Variants in CTDSPL observed in about 807,000 individuals in gnomAD.
The protein encoded by CTDSPL is CTD small phosphatase like, also known as CTD small phosphatase-like protein.
A neutral mutation model predicts 30.5 loss-of-function variants in CTDSPL; 8 were observed. The ratio of observed to expected loss-of-function variants is 0.26; its 90% CI spans 0.15 to 0.47. The LOEUF (loss-of-function observed/expected upper bound fraction) is 0.47, where lower values mean the gene tolerates loss of function less well. CTDSPL is among the 20% of genes least tolerant of loss of function. The pLI is 0.99. For synonymous variants in CTDSPL, 110 were observed against 137.9 expected, an observed-to-expected ratio of 0.80 and a Z score of 1.42; for missense variants, 248 against 366.1, an observed-to-expected ratio of 0.68 and a Z score of 2.63.
At chr3:37,901,977 CGA>C (rs1471018014) in intron 1 of CTDSPL, among the ~76,000 whole-genome samples, 1 of 152,124 alleles carries the variant, frequency 6.6e-6, no homozygotes. Flanking sequence ...TTCGTGGTTG[CGA>C]GATGGCTGCT....
intron 1 of CTDSPL, among the ~76,000 whole-genome samples, chr3:37,878,560 G>A (rs538552391): frequency 6.6e-6 from 1 of 152,326 alleles, no homozygotes; most frequent in East Asian, 1.9e-4. Flanking sequence ...CTGTGAAGCA[G>A]TGTTAAACTT....
chr3:37,880,136 GATATATAT>G (rs140994338), intron 1 of CTDSPL, among the ~76,000 whole-genome samples: 1 of 146,382 alleles, frequency 6.8e-6, no homozygotes, highest in African/African-American at 2.5e-5. Flanking sequence ...ATAAAAATAA[GATATATAT>G]ATATATATCT....
intron 1 of CTDSPL, among the ~76,000 whole-genome samples, chr3:37,921,641 A>ACACT (rs750467925): frequency 7.1e-6 from 1 of 140,582 alleles, no homozygotes; most frequent in Non-Finnish European, 1.6e-5. Flanking sequence ...ACACACACAC[A>ACACT]CACTCACACA....
chr3:37,873,202 G>A (rs1698096347), intron 1 of CTDSPL, among the ~76,000 whole-genome samples: 3 of 152,234 alleles, frequency 2.0e-5, no homozygotes, highest in South Asian at 4.1e-4. Context: ...CCCTATGAGG[G>A]TGGAATTCTA....
intron 1 of CTDSPL, among the ~76,000 whole-genome samples, chr3:37,886,688 A>G (rs1170828469): frequency 6.6e-6 from 1 of 152,226 alleles, no homozygotes; most frequent in East Asian, 1.9e-4. Context: ...CATGAATGCT[A>G]CTTGTTGAAT....
At chr3:37,916,911 A>G (rs776353646) in intron 1 of CTDSPL, among the ~76,000 whole-genome samples, 2 of 152,126 alleles carry the variant, frequency 1.3e-5, no homozygotes, top group Non-Finnish European at 2.9e-5. Flanking sequence ...AGGCATCAAC[A>G]ATCTGGGTGC....
intron 6 of CTDSPL, among the ~76,000 whole-genome samples, chr3:37,972,557 A>T (rs1436721724): frequency 1.3e-5 from 2 of 151,366 alleles, no homozygotes; most frequent in African/African-American, 4.9e-5. Context: ...CTAAAGCTTG[A>T]TATGAATCTG....
chr3:37,919,799 G>T (rs577857059), intron 1 of CTDSPL, among the ~76,000 whole-genome samples: 2 of 152,128 alleles, frequency 1.3e-5, no homozygotes, highest in Non-Finnish European at 2.9e-5. Flanking sequence ...GTTGTGCTTC[G>T]CTGGGCCCTG....
At chr3:37,892,331 A>G (rs1198642144) in intron 1 of CTDSPL, among the ~76,000 whole-genome samples, 2 of 152,254 alleles carry the variant, frequency 1.3e-5, no homozygotes, top group Admixed American at 6.5e-5. Context: ...AGGAATACAT[A>G]TAAAGGCACC....
chr3:37,898,781 T>C (rs1374101806), intron 1 of CTDSPL, among the ~76,000 whole-genome samples: 1 of 152,112 alleles, frequency 6.6e-6, no homozygotes, highest in Non-Finnish European at 1.5e-5. Flanking sequence ...ATTAATTAAT[T>C]ACAGATTATG....
Position 37,971,402 on chromosome 3 carries a change from T to C in CTDSPL, c.427-5T>C, listed in dbSNP as rs1699365464. On this transcript the variant is annotated splice_region_variant and splice_polypyrimidine_tract_variant and intron_variant, in intron 5 of 7. Transcript: ENST00000273179. ...TGACCAGCCTGCTGTCTCCTGCCAT[T>C]GCAGGTGTATGTGCTGAAGCGGCCA... 6.2e-7 allele frequency: 1 copy of C among 1,613,400 alleles called. No homozygotes were observed. The highest frequency in any genetic ancestry group is 1.3e-5 in the African/African-American group (1 of 74,928).
Position 37,862,609 on chromosome 3 carries a change from ATGTG to A in CTDSPL, c.79+338_79+341del, listed in dbSNP as rs760235181. On this transcript the variant is annotated intron_variant, in intron 1 of 7. Coordinates refer to ENST00000273179, the MANE Select transcript of CTDSPL (RefSeq NM_001008392.2). The surrounding 1 kb of genome is among the most constrained non-coding windows in gnomAD (Gnocchi z 4.3). ...AGAGGTTCTAAGTGTGTGCACTTGT[ATGTG>A]TGTGTGCACACGCGGACAGAGTGAT... 5.3e-5 allele frequency among the ~76,000 whole-genome samples: 8 copies of A among 152,148 alleles called. No homozygotes were observed. Among genetic ancestry groups the A allele is most frequent in the Non-Finnish European group, 8.8e-5 (6 of 68,018 alleles).
At position 37,971,513 on chromosome 3, in the gene CTDSPL, C is replaced by T; in HGVS notation, c.519+14C>T. On this transcript the variant is annotated intron_variant, in intron 6 of 7. Coordinates refer to ENST00000273179, the MANE Select transcript of CTDSPL (RefSeq NM_001008392.2). ...AGCTTGGCCAAGGTGAGTCCTGCTTCCCAGCCCCACACTCCCAGCCTGGTA... is the reference window on the plus strand; with the variant it reads ...AGCTTGGCCAAGGTGAGTCCTGCTTTCCAGCCCCACACTCCCAGCCTGGTA... 2 of 1,610,494 alleles carry T rather than the reference C, an allele frequency of 1.2e-6. No individual in the cohort carries two copies. Among genetic ancestry groups the T allele is most frequent in the Non-Finnish European group, 1.7e-6 (2 of 1,177,208 alleles).
At chr3:37,938,336 G>C (rs999069388) in intron 1 of CTDSPL, among the ~76,000 whole-genome samples, 3 of 150,158 alleles carry the variant, frequency 2.0e-5, no homozygotes, top group African/African-American at 7.3e-5. Context: ...CCCCCGTCTT[G>C]AATCTAAACC....
In CTDSPL at chr3:37,983,329, C is replaced by T. The variant is rs1272033882; in HGVS notation, c.*2462C>T. 6.6e-6 allele frequency: 1 copy of T among 152,406 alleles called. No homozygotes were observed. The highest frequency in any genetic ancestry group is 1.5e-5 in the Non-Finnish European group (1 of 68,012). The allele number at this position is 152,406 out of a possible 1,614,324, so 9.4% of individuals were successfully genotyped here. On this transcript the variant is annotated 3_prime_UTR_variant, in exon 8 of 8. Coordinates refer to ENST00000273179, the MANE Select transcript of CTDSPL (RefSeq NM_001008392.2). ...TCTATATCTATATATTTTTAATCATCTACATGTAAATGAAGCAATAGAATT... is the reference window on the plus strand; with the variant it reads ...TCTATATCTATATATTTTTAATCATTTACATGTAAATGAAGCAATAGAATT...
intron 1 of CTDSPL, among the ~76,000 whole-genome samples, chr3:37,920,642 A>T (rs1575298706): frequency 1.3e-5 from 2 of 152,214 alleles, no homozygotes; most frequent in African/African-American, 4.8e-5. Context: ...GGCACTAATG[A>T]TATTTTCAGT....
chr3:37,916,106 G>C (rs182209497), intron 1 of CTDSPL, among the ~76,000 whole-genome samples: 30 of 152,298 alleles, frequency 2.0e-4, no homozygotes, highest in Admixed American at 4.6e-4. Context: ...CCAAAGTGCT[G>C]CTCAGCTTCT....
chr3:37,980,931 G>A lies in CTDSPL; in HGVS notation c.*64G>A, dbSNP rs1699484865. 6.4e-7 allele frequency: 1 copy of A among 1,554,100 alleles called. No homozygotes were observed. The highest frequency in any genetic ancestry group is 8.8e-7 in the Non-Finnish European group (1 of 1,141,532). ...ACCTCTGGCCTCAGGGGACCTGCCTGTCCTCAGCTCCCTGGGAGCTGAAAG... is the reference window on the plus strand; with the variant it reads ...ACCTCTGGCCTCAGGGGACCTGCCTATCCTCAGCTCCCTGGGAGCTGAAAG... On this transcript the variant is annotated 3_prime_UTR_variant, in exon 8 of 8. Coordinates refer to ENST00000273179, the MANE Select transcript of CTDSPL (RefSeq NM_001008392.2).
intron 1 of CTDSPL, among the ~76,000 whole-genome samples, chr3:37,906,561 G>C (rs1022252322): frequency 6.6e-6 from 1 of 152,216 alleles, no homozygotes; most frequent in African/African-American, 2.4e-5. Context: ...TGGAGCTCCT[G>C]TTTTTCACTG....
Sources: allele counts gnomAD v4.1 joint callset (sites outside exome capture counted in the v4.1 genomes callset), GRCh38; gene constraint gnomAD v4.1.1; non-coding constraint Gnocchi (gnomAD v3.1); transcripts MANE v1.5; gene names NCBI Gene and HGNC (gene_info 2026-07-23, HGNC 2026-07-21).